LRRIQ3: variants seen among roughly 807,000 people sequenced by gnomAD.
The protein encoded by LRRIQ3 is leucine rich repeats and IQ motif containing 3.
LRRIQ3 carries 75 observed loss-of-function variants against 59.3 expected under a neutral mutation model. That is an observed-to-expected ratio of 1.26 (90% CI 1.05 to 1.53). The LOEUF (loss-of-function observed/expected upper bound fraction) is 1.53. LRRIQ3 is among the 40% of genes most tolerant of loss of function. LRRIQ3 has a pLI of 0.00. For missense variants in LRRIQ3, 831 were observed against 710.0 expected, an observed-to-expected ratio of 1.17 and a Z score of -1.94; for synonymous variants, 250 against 231.3, an observed-to-expected ratio of 1.08 and a Z score of -0.73.
intron 3 of LRRIQ3, among the ~76,000 whole-genome samples, chr1:74,172,400 T>C (rs1294629242): frequency 6.6e-6 from 1 of 152,190 alleles, no homozygotes; most frequent in African/African-American, 2.4e-5. Flanking sequence ...TTTCCCAATT[T>C]CCTTTTGTTA....
At chr1:74,036,508 A>G (rs1241437730) in intron 7 of LRRIQ3, among the ~76,000 whole-genome samples, 1 of 152,184 alleles carries the variant, frequency 6.6e-6, no homozygotes, top group Non-Finnish European at 1.5e-5. Flanking sequence ...ATTTTGATGA[A>G]ATAAATTTGT....
intron 4 of LRRIQ3, among the ~76,000 whole-genome samples, chr1:74,139,152 G>A (rs1387637928): frequency 6.7e-6 from 1 of 150,184 alleles, no homozygotes; most frequent in Non-Finnish European, 1.5e-5. Context: ...ATGTGTGTGT[G>A]TATATATATA....
At chr1:74,127,905 T>C (rs1646959388) in intron 4 of LRRIQ3, among the ~76,000 whole-genome samples, 1 of 152,010 alleles carries the variant, frequency 6.6e-6, no homozygotes, top group South Asian at 2.1e-4. Context: ...GGTAGGCAAG[T>C]CTGGTATTGA....
chr1:74,083,138 A>G (rs575260673), intron 5 of LRRIQ3: 11 of 151,802 alleles, frequency 7.2e-5, no homozygotes, highest in Middle Eastern at 3.4e-3. Flanking sequence ...GTATGTACAT[A>G]TATATCTCCT....
intron 6 of LRRIQ3, among the ~76,000 whole-genome samples, chr1:74,072,477 A>G (rs942193377): frequency 1.3e-5 from 2 of 151,944 alleles, no homozygotes; most frequent in African/African-American, 4.8e-5. Context: ...TATAAATAAA[A>G]TGCTTTTGTG....
chr1:74,104,692 G>A (rs1257580841), intron 5 of LRRIQ3, among the ~76,000 whole-genome samples: 1 of 151,978 alleles, frequency 6.6e-6, no homozygotes, highest in East Asian at 1.9e-4. Context: ...GATTGGCAGA[G>A]TACAAAGAAT....
rs530252075 is a variant in LRRIQ3, at chr1:74,084,181, A to G, written c.868-9391T>C. On this transcript the variant is annotated intron_variant, in intron 5 of 7. Transcript: ENST00000354431. ...AGAGATGAATACACACATCCAGCCC[A>G]CTTCAGTGAAAATTGACCCATAATT... 2.8e-5 allele frequency: 43 copies of G among 1,547,390 alleles called. No homozygotes were observed. In the South Asian group the frequency reaches 3.9e-4, roughly 14 times the overall value.
intron 3 of LRRIQ3, among the ~76,000 whole-genome samples, chr1:74,173,290 A>C (rs1649439484): frequency 1.1e-5 from 1 of 93,016 alleles, no homozygotes; most frequent in South Asian, 3.8e-4. Flanking sequence ...GTGAGAGTCC[A>C]TCTCAAAAAA....
intron 5 of LRRIQ3, among the ~76,000 whole-genome samples, chr1:74,079,880 A>G (rs936500250): frequency 2.0e-5 from 3 of 151,876 alleles, no homozygotes; most frequent in African/African-American, 7.2e-5. Flanking sequence ...ACTTTGCCCC[A>G]ATAACACATT....
At chr1:74,170,256 C>T (rs978387235) in intron 3 of LRRIQ3, among the ~76,000 whole-genome samples, 15 of 152,110 alleles carry the variant, frequency 9.9e-5, no homozygotes, top group African/African-American at 3.6e-4. Flanking sequence ...ATTGCCAAGA[C>T]CGATGTCAAG....
At chr1:74,121,573 CT>C (rs1646856571) in intron 4 of LRRIQ3, among the ~76,000 whole-genome samples, 1 of 151,822 alleles carries the variant, frequency 6.6e-6, no homozygotes, top group Non-Finnish European at 1.5e-5. Flanking sequence ...TACAGATCTT[CT>C]CATTACTTTT....
At chr1:74,043,683 ATC>A (rs1479363672) in intron 6 of LRRIQ3, among the ~76,000 whole-genome samples, 1 of 152,126 alleles carries the variant, frequency 6.6e-6, no homozygotes. Context: ...TGTTTTCAGA[ATC>A]TCTGTTTCAA....
At chr1:74,154,084 AT>A (rs1648153829) in intron 4 of LRRIQ3, among the ~76,000 whole-genome samples, 1 of 151,798 alleles carries the variant, frequency 6.6e-6, no homozygotes, top group Non-Finnish European at 1.5e-5. Flanking sequence ...TACTAAAAAT[AT>A]AAAAAATTAG....
intron 6 of LRRIQ3, among the ~76,000 whole-genome samples, chr1:74,043,649 T>TA (rs1212041057): frequency 1.3e-5 from 2 of 152,104 alleles, no homozygotes; most frequent in Non-Finnish European, 1.5e-5. Flanking sequence ...TTAACACTTT[T>TA]AAAAGTCTCC....
chr1:74,063,149 A>C (rs1654775357), intron 6 of LRRIQ3, among the ~76,000 whole-genome samples: 1 of 150,860 alleles, frequency 6.6e-6, no homozygotes, highest in Non-Finnish European at 1.5e-5. Context: ...CAACAACAAC[A>C]ACAAAACGAG....
chr1:74,192,719 T>A (rs1404321750), intron 1 of LRRIQ3, among the ~76,000 whole-genome samples: 1 of 152,120 alleles, frequency 6.6e-6, no homozygotes, highest in Non-Finnish European at 1.5e-5. Context: ...TAATACTGGT[T>A]ATTGCTATTA....
At chr1:74,147,366 C>G (rs572519714) in intron 4 of LRRIQ3, among the ~76,000 whole-genome samples, 102 of 152,204 alleles carry the variant, frequency 6.7e-4, no homozygotes, top group African/African-American at 2.4e-3. Flanking sequence ...CTCTTTTTAT[C>G]TACTCTTTTG....
At position 74,109,389 on chromosome 1, in the gene LRRIQ3, C is replaced by T. The variant is rs1210940437; in HGVS notation, c.867+5G>A. The T allele has an allele frequency of 6.8e-7, 1 of 1,475,076 alleles. No individual in the cohort carries two copies. Among genetic ancestry groups the T allele is most frequent in the South Asian group, 1.3e-5 (1 of 77,710 alleles). 91.4% of individuals were successfully genotyped at this position (1,475,076 alleles called of 1,614,324 possible). On this transcript the variant is annotated splice_donor_5th_base_variant and intron_variant, in intron 5 of 7. Transcript: ENST00000354431. ...AAATAAAAATAATAAACTAATTATA[C>T]TTACATGTTTCCAATATGCAAGCTT...
intron 4 of LRRIQ3, among the ~76,000 whole-genome samples, chr1:74,148,494 G>A (rs1287357079): frequency 6.6e-6 from 1 of 152,154 alleles, no homozygotes; most frequent in African/African-American, 2.4e-5. Context: ...ATGGGTGGCA[G>A]TAGTTATGGT....
Sources: allele counts gnomAD v4.1 joint callset (sites outside exome capture counted in the v4.1 genomes callset), GRCh38; gene constraint gnomAD v4.1.1; transcripts MANE v1.5; gene names NCBI Gene and HGNC (gene_info 2026-07-23, HGNC 2026-07-21).